ABCA8: variants seen among roughly 807,000 people sequenced by gnomAD.
The protein encoded by ABCA8 is ABC-type organic anion transporter ABCA8.
Under a neutral mutation model 192.3 loss-of-function variants are expected in ABCA8, and 177 were observed. That is an observed-to-expected ratio of 0.92 (90% CI 0.81 to 1.04). The LOEUF is 1.04. Among genes scored for constraint, ABCA8 ranks in the 50% least tolerant of loss-of-function variants. The pLI, the probability that ABCA8 is intolerant of heterozygous loss-of-function variation, is 0.00. For synonymous variants in ABCA8, 642 were observed against 690.2 expected, an observed-to-expected ratio of 0.93 and a Z score of 1.09; for missense variants, 1,915 against 1,904.8, an observed-to-expected ratio of 1.01 and a Z score of -0.10.
intron 37 of ABCA8, among the ~76,000 whole-genome samples, chr17:68,870,930 A>G (rs2066033143): frequency 6.6e-6 from 1 of 152,164 alleles, no homozygotes; most frequent in Non-Finnish European, 1.5e-5. Context: ...ATTGCTTTCC[A>G]TAGTGGCTGC....
intron 26 of ABCA8, among the ~76,000 whole-genome samples, chr17:68,886,310 C>T (rs1467936815): frequency 6.6e-6 from 1 of 152,068 alleles, no homozygotes; most frequent in Non-Finnish European, 1.5e-5. Flanking sequence ...AGGACCATGG[C>T]CATTGTGCAC....
In ABCA8 at chr17:68,876,520, G is replaced by A. The variant is rs772105548; in HGVS notation, c.4310C>T (p.Ser1437Leu). 4 of 1,613,908 alleles carry A rather than the reference G, an allele frequency of 2.5e-6. No homozygotes were observed. The highest frequency in any genetic ancestry group is 3.4e-6 in the Non-Finnish European group (4 of 1,179,984). ...CGACGGCTCATCCAGAAGCACCACT[G>A]ACGGGTTCCCCAGTATGCTCAGGAC... ...CFVLSILGNP[S>L]VVLLDEPSTG... Residue 1437 changes from serine to leucine, a missense_variant, in exon 35 of 40, where the codon TCA becomes TTA. Physicochemically the swap from Ser to Leu is moderately radical, Grantham distance 145. Coordinates refer to ENST00000586539, the MANE Select transcript of ABCA8 (RefSeq NM_001288985.2).
rs547503435 is a variant in ABCA8 at position 68,912,434 on chromosome 17, A to G, written c.2139-4555T>C. Among the ~76,000 whole-genome samples the G allele has an allele frequency of 1.0e-3, 152 of 152,266 alleles. 1 individual carries two copies. The South Asian group carries it at 0.013, about 13-fold the overall frequency. On this transcript the variant is annotated intron_variant, in intron 17 of 39. Coordinates refer to ENST00000586539, the MANE Select transcript of ABCA8 (RefSeq NM_001288985.2). ...CAAAAGAATTGAAAAAGAATGAAGC[A>G]TGCCTACAAGATCTAAAAAAGAGCC... is the stretch of plus-strand genomic sequence containing the variant.
chr17:68,913,933 C>T (rs554343411), intron 17 of ABCA8, among the ~76,000 whole-genome samples: 68 of 152,100 alleles, frequency 4.5e-4, no homozygotes, highest in Non-Finnish European at 7.2e-4. Flanking sequence ...CCGAATTCAA[C>T]AACACATTAA....
At chr17:68,887,930 T>TAC (rs2143351029) in intron 24 of ABCA8, among the ~76,000 whole-genome samples, 1 of 111,488 alleles carries the variant, frequency 9.0e-6, no homozygotes, top group Non-Finnish European at 1.8e-5. Flanking sequence ...ATATATTATA[T>TAC]ATGGATATAT....
Position 68,940,745 on chromosome 17 carries a change from C to T in ABCA8, c.301+13G>A. The stretch of plus-strand genomic sequence containing the variant: ...CACACCAGACATTCTTCTTAAGTAA[C>T]TAGAAAACTTACCTGCCAGGAAGGG... On this transcript the variant is annotated intron_variant, in intron 4 of 39. Coordinates refer to ENST00000586539, the MANE Select transcript of ABCA8 (RefSeq NM_001288985.2). 1.2e-6 allele frequency: 2 copies of T among 1,603,744 alleles called. No homozygotes were observed. The highest frequency in any genetic ancestry group is 1.7e-6 in the Non-Finnish European group (2 of 1,170,964).
Position 68,867,873 on chromosome 17 carries a change from A to T in ABCA8, c.*212T>A. 2.0e-6 allele frequency: 1 copy of T among 511,686 alleles called. No homozygotes were observed. Among genetic ancestry groups the T allele is most frequent in the Non-Finnish European group, 3.5e-6 (1 of 289,300 alleles). The allele number at this position is 511,686 out of a possible 1,614,324, so 31.7% of individuals were successfully genotyped here. On this transcript the variant is annotated 3_prime_UTR_variant, in exon 40 of 40. Coordinates refer to ENST00000586539, the MANE Select transcript of ABCA8 (RefSeq NM_001288985.2). ...AATGGAACCAGTATGGCCTGCAGAG[A>T]TACAGAGGCTGTGAGAGGAGGTTGG...
chr17:68,876,605 G>A lies in ABCA8; in HGVS notation c.4275+23C>T, dbSNP rs772308405. 10 of 1,614,142 alleles carry A rather than the reference G, an allele frequency of 6.2e-6. No individual in the cohort carries two copies. In the East Asian group the frequency reaches 2.0e-4, roughly 32 times the overall value. On this transcript the variant is annotated intron_variant, in intron 34 of 39. Coordinates refer to ENST00000586539, the MANE Select transcript of ABCA8 (RefSeq NM_001288985.2). ...GGTTCCCATCTATGGCACTTGCAGAGCAACACCAAGCCCTGCCCGTACCTT... is the reference window on the plus strand; with the variant it reads ...GGTTCCCATCTATGGCACTTGCAGAACAACACCAAGCCCTGCCCGTACCTT...
chr17:68,930,599 A>T (rs1009613548), intron 7 of ABCA8, among the ~76,000 whole-genome samples: 1 of 152,210 alleles, frequency 6.6e-6, no homozygotes, highest in Non-Finnish European at 1.5e-5. Flanking sequence ...CTTAGCAAAC[A>T]TTAAAGCATT....
At chr17:68,953,211 C>A (rs930551379) in intron 1 of ABCA8, among the ~76,000 whole-genome samples, 6 of 152,168 alleles carry the variant, frequency 3.9e-5, no homozygotes, top group Admixed American at 3.9e-4. Flanking sequence ...AAGGACATGA[C>A]TTGGAAGAAT....
intron 10 of ABCA8, among the ~76,000 whole-genome samples, chr17:68,926,182 T>C (rs958486338): frequency 1.3e-5 from 2 of 152,208 alleles, no homozygotes; most frequent in African/African-American, 4.8e-5. Flanking sequence ...ATATATCACA[T>C]AGTGCACACC....
intron 21 of ABCA8, among the ~76,000 whole-genome samples, chr17:68,896,932 G>C (rs1259246825): frequency 6.6e-6 from 1 of 152,208 alleles, no homozygotes; most frequent in African/African-American, 2.4e-5. Flanking sequence ...TAGCCATAGT[G>C]CATGATAAGT....
At chr17:68,921,685 T>C (rs930118083) in intron 12 of ABCA8, among the ~76,000 whole-genome samples, 193 bp from the exon 13 acceptor site, 3 of 152,220 alleles carry the variant, frequency 2.0e-5, no homozygotes, top group Non-Finnish European at 4.4e-5. Context: ...TAAACTTATT[T>C]CTCAAAATAG....
chr17:68,949,897 C>T (rs1371883556), intron 1 of ABCA8, among the ~76,000 whole-genome samples: 1 of 152,150 alleles, frequency 6.6e-6, no homozygotes, highest in East Asian at 1.9e-4. Flanking sequence ...GCAAGGATGC[C>T]CTCTCTCACC....
In ABCA8 at chr17:68,922,314, A is replaced by G. The variant is rs1408338739; in HGVS notation, c.1443-14T>C. ...ACATTTCTGATTCTGAAAAAAAGAAAAGATACTTCAAAGTGACAATTTTCT... is the reference window on the plus strand; with the variant it reads ...ACATTTCTGATTCTGAAAAAAAGAAGAGATACTTCAAAGTGACAATTTTCT... On this transcript the variant is annotated splice_polypyrimidine_tract_variant and intron_variant, in intron 11 of 39. Transcript: ENST00000586539. 1 of 1,330,706 alleles carries G rather than the reference A, an allele frequency of 7.5e-7. No individual in the cohort carries two copies. The allele number at this position is 1,330,706 out of a possible 1,614,324, so 82.4% of individuals were successfully genotyped here. A position where few individuals can be genotyped will look rare whatever the true frequency, so the allele number is the denominator to read the frequency against.
chr17:68,930,217 T>C (rs1302442033), intron 7 of ABCA8, among the ~76,000 whole-genome samples: 3 of 152,208 alleles, frequency 2.0e-5, no homozygotes, highest in Admixed American at 6.5e-5. Context: ...CTCTCCTCTC[T>C]GGAGTCTCTC....
rs761286435 is a variant in ABCA8 at position 68,918,095 on chromosome 17, C to T, written c.1999G>A (p.Val667Met). The T allele has an allele frequency of 1.2e-6, 2 of 1,614,150 alleles. No individual in the cohort carries two copies. The highest frequency in any genetic ancestry group is 2.2e-5 in the South Asian group (2 of 91,084). ...ATGAACTGGGTACTGAAGAGGATCA[C>T]GCGGTCTGTTTTGCGTTCTTTCAGA... ...NLLKERKTDR[V>M]ILFSTQFMDE... The change falls in exon 16 of 40, where the codon GTG (valine) becomes ATG (methionine). Residue 667 changes from valine to methionine, a missense_variant. By Grantham distance (21) the Val-to-Met change is conservative. Coordinates refer to ENST00000586539, the MANE Select transcript of ABCA8 (RefSeq NM_001288985.2).
Position 68,940,759 on chromosome 17 carries a change from T to C in ABCA8, c.300A>G (p.Ala100=), listed in dbSNP as rs773694993. 1 of 1,612,130 alleles carries C rather than the reference T, an allele frequency of 6.2e-7. No individual in the cohort carries two copies. The highest frequency in any genetic ancestry group is 1.7e-5 in the Admixed American group (1 of 59,952). The change falls in exon 4 of 40, where the codon GCA becomes GCG. Residue 100 remains alanine, a splice_region_variant and synonymous_variant. Transcript: ENST00000586539. ...TTCTTAAGTAACTAGAAAACTTACC[T>C]GCCAGGAAGGGAGTAGAGGCTACTT... ...MNKVASTPFL[A]GKEVLGLPDE... is the part of the protein sequence containing the mutation.
intron 1 of ABCA8, among the ~76,000 whole-genome samples, chr17:68,952,962 C>A (rs1004283493): frequency 1.3e-5 from 2 of 152,056 alleles, no homozygotes; most frequent in African/African-American, 4.8e-5. Flanking sequence ...TTGCAGCAGG[C>A]ACATAAAATA....
Sources: allele counts gnomAD v4.1 joint callset (sites outside exome capture counted in the v4.1 genomes callset), GRCh38; gene constraint gnomAD v4.1.1; transcripts MANE v1.5; gene names NCBI Gene and HGNC (gene_info 2026-07-23, HGNC 2026-07-21).